PTPRD: variants seen among roughly 807,000 people sequenced by gnomAD.
PTPRD encodes receptor-type tyrosine-protein phosphatase delta.
PTPRD carries 34 observed loss-of-function variants against 214.5 expected under a neutral mutation model. The observed-to-expected ratio is 0.16, with a 90% CI of 0.12 to 0.21. PTPRD has a LOEUF of 0.21. Ranked by LOEUF, PTPRD falls within the 10% of genes least tolerant of loss-of-function variation. PTPRD has a pLI of 1.00. For missense variants in PTPRD, 2,545 were observed against 2,398.7 expected, an observed-to-expected ratio of 1.06 and a Z score of -1.27; for synonymous variants, 1,128 against 845.7, an observed-to-expected ratio of 1.33 and a Z score of -5.79.
In PTPRD at chr9:9,374,152, C is replaced by T. The variant is rs147804577; in HGVS notation, c.-203+23297G>A. Among the ~76,000 whole-genome samples, 1,209 of 151,454 alleles carry T rather than the reference C, an allele frequency of 8.0e-3. 9 individuals are homozygous for T. The highest frequency in any genetic ancestry group is 0.013 in the South Asian group (64 of 4,802). On this transcript the variant is annotated intron_variant, in intron 9 of 45. Transcript: ENST00000381196. ...AAAATATTCCAGAAATATTAAGTGA[C>T]GAAAAAGACAGATTTTATGTAAAGT...
At chr9:9,086,786 A>G (rs1300889888) in intron 10 of PTPRD, among the ~76,000 whole-genome samples, 1 of 152,062 alleles carries the variant, frequency 6.6e-6, no homozygotes, top group Non-Finnish European at 1.5e-5. Flanking sequence ...TTAAAATGTG[A>G]ACAAAGATGA....
intron 2 of PTPRD, among the ~76,000 whole-genome samples, chr9:10,347,348 A>G (rs977509629): frequency 2.0e-5 from 3 of 151,670 alleles, no homozygotes; most frequent in African/African-American, 7.3e-5. Flanking sequence ...TGATAATTTA[A>G]TTCACTAGCA....
At position 10,150,523 on chromosome 9, in the gene PTPRD, A is replaced by T. The variant is rs368154997; in HGVS notation, c.-544-116733T>A. Among the ~76,000 whole-genome samples the T allele has an allele frequency of 9.9e-5, 15 of 151,874 alleles. No individual in the cohort carries two copies. In the East Asian group the frequency reaches 1.7e-3, roughly 18 times the overall value. On this transcript the variant is annotated intron_variant, in intron 3 of 45. Transcript: ENST00000381196. ...CCGGGGCCTTTCGTGGGGCAGGAGG[A>T]GGGGGGAGGGATAGCATTAGGAGAT...
chr9:10,108,852 G>C (rs2098662487), intron 3 of PTPRD, among the ~76,000 whole-genome samples: 1 of 133,660 alleles, frequency 7.5e-6, no homozygotes, highest in South Asian at 2.8e-4. Context: ...ACTGAATTAA[G>C]TCAGGCACGT....
chr9:8,402,297 A>C (rs565408455), intron 36 of PTPRD, among the ~76,000 whole-genome samples: 6 of 152,180 alleles, frequency 3.9e-5, no homozygotes, highest in Admixed American at 1.3e-4. Context: ...TTGCTTTTAT[A>C]ATATAAAACC....
At chr9:10,137,701 T>TAAAAA (rs76032048) in intron 3 of PTPRD, among the ~76,000 whole-genome samples, 113 of 71,422 alleles carry the variant, frequency 1.6e-3, no homozygotes, top group East Asian at 2.6e-3. Context: ...TAGAGTATAA[T>TAAAAA]AAAAAAAAAA....
intron 4 of PTPRD, among the ~76,000 whole-genome samples, chr9:9,957,842 C>T (rs928814023): frequency 1.1e-4 from 16 of 151,088 alleles, no homozygotes; most frequent in African/African-American, 3.2e-4. Flanking sequence ...AAAGATACAC[C>T]GATCAACAGA....
At chr9:8,480,431 T>C (rs2096856683) in intron 30 of PTPRD, among the ~76,000 whole-genome samples, 1 of 152,160 alleles carries the variant, frequency 6.6e-6, no homozygotes, top group Non-Finnish European at 1.5e-5. Context: ...TTCTCTACTA[T>C]AGGACTCTGC....
rs141201670 is a variant in PTPRD at position 9,303,917 on chromosome 9, A to G, written c.-203+93532T>C. ...TAATGATTTAATTTCCCTTTAAGGA[A>G]TACTTATAAACAGTTAAAAAGACAG... is the stretch of plus-strand genomic sequence containing the variant. On this transcript the variant is annotated intron_variant, in intron 9 of 45. Coordinates refer to ENST00000381196, the MANE Select transcript of PTPRD (RefSeq NM_002839.4). Among the ~76,000 whole-genome samples, 621 of 152,242 alleles carry G rather than the reference A, an allele frequency of 4.1e-3. 1 individual carries two copies. The highest frequency in any genetic ancestry group is 7.3e-3 in the South Asian group (35 of 4,826).
chr9:9,967,528 C>T (rs950640550), intron 4 of PTPRD, among the ~76,000 whole-genome samples: 20 of 152,122 alleles, frequency 1.3e-4, no homozygotes, highest in Admixed American at 1.2e-3. Context: ...GGTAATTTTA[C>T]ATGTTACATC....
chr9:8,462,835 T>C (rs1012268675), intron 32 of PTPRD, among the ~76,000 whole-genome samples: 3 of 151,990 alleles, frequency 2.0e-5, no homozygotes, highest in African/African-American at 7.2e-5. Context: ...GTATTTTGGC[T>C]TTTTATTTGT....
At chr9:8,973,013 A>AG (rs1418735596) in intron 11 of PTPRD, among the ~76,000 whole-genome samples, 4 of 151,548 alleles carry the variant, frequency 2.6e-5, no homozygotes, top group Non-Finnish European at 5.9e-5. Context: ...CCAGGGAGAA[A>AG]AAAAAAAAAC....
At chr9:9,159,785 C>G (rs2099884807) in intron 10 of PTPRD, among the ~76,000 whole-genome samples, 1 of 152,102 alleles carries the variant, frequency 6.6e-6, no homozygotes, top group Non-Finnish European at 1.5e-5. Context: ...AAATAGGAGG[C>G]TCACGCTTCA....
chr9:9,941,955 T>G (rs1156911603), intron 4 of PTPRD, among the ~76,000 whole-genome samples: 1 of 152,062 alleles, frequency 6.6e-6, no homozygotes, highest in Admixed American at 6.6e-5. Context: ...AAATAAAGAG[T>G]TGAATCTCCA....
At chr9:9,536,570 C>T (rs1292158120) in intron 8 of PTPRD, among the ~76,000 whole-genome samples, 3 of 151,958 alleles carry the variant, frequency 2.0e-5, no homozygotes, top group African/African-American at 7.2e-5. Context: ...TTATCAAACT[C>T]ACTGGGCTGG....
Position 8,376,616 on chromosome 9 carries a change from T to C in PTPRD, c.4497A>G (p.Ala1499=). 10 of 1,612,804 alleles carry C rather than the reference T, an allele frequency of 6.2e-6. No homozygotes were observed. The highest frequency in any genetic ancestry group is 7.6e-6 in the Non-Finnish European group (9 of 1,179,180). Residue 1499 remains alanine (A), a synonymous_variant, in exon 38 of 46, where the codon GCA becomes GCG. Coordinates refer to ENST00000381196, the MANE Select transcript of PTPRD (RefSeq NM_002839.4). ...ELATYCVRTF[A]LYKNGSSEKR... The stretch of plus-strand genomic sequence containing the variant: ...AAGATGAAAAGCAAACCTTGTAAAG[T>C]GCAAATGTTCGAACACAATATGTGG...
intron 5 of PTPRD, among the ~76,000 whole-genome samples, chr9:9,804,888 C>T (rs1258873076): frequency 6.6e-6 from 1 of 151,318 alleles, no homozygotes; most frequent in Non-Finnish European, 1.5e-5. Context: ...GAAGAAATTC[C>T]TTGTTAAGTA....
chr9:8,594,002 C>G (rs566287926), intron 14 of PTPRD, among the ~76,000 whole-genome samples: 16 of 152,252 alleles, frequency 1.1e-4, no homozygotes, highest in African/African-American at 3.9e-4. Flanking sequence ...GCATATACTA[C>G]TGATATGAGT....
chr9:10,007,235 G>C (rs2096497815), intron 4 of PTPRD, among the ~76,000 whole-genome samples: 2 of 151,988 alleles, frequency 1.3e-5, no homozygotes, highest in East Asian at 1.9e-4. Context: ...ACATCATTTT[G>C]CTTCATTTTT....
Sources: allele counts gnomAD v4.1 joint callset (sites outside exome capture counted in the v4.1 genomes callset), GRCh38; gene constraint gnomAD v4.1.1; transcripts MANE v1.5; gene names NCBI Gene and HGNC (gene_info 2026-07-23, HGNC 2026-07-21).